BRCA1: variants seen among roughly 807,000 people sequenced by gnomAD.
BRCA1 encodes BRCA1 DNA repair associated.
A neutral mutation model predicts 173.7 loss-of-function variants in BRCA1; 140 were observed. The observed-to-expected ratio is 0.81, with a 90% CI of 0.70 to 0.93. The LOEUF (loss-of-function observed/expected upper bound fraction) is 0.93. BRCA1 is among the 40% of genes least tolerant of loss of function. The pLI, the probability that BRCA1 is intolerant of heterozygous loss-of-function variation, is 0.00. For synonymous variants in BRCA1, 662 were observed against 756.0 expected, an observed-to-expected ratio of 0.88 and a Z score of 2.04; for missense variants, 1,983 against 2,172.5, an observed-to-expected ratio of 0.91 and a Z score of 1.73.
At chr17:43,125,923 C>A (rs551781613), upstream of BRCA1, among the ~76,000 whole-genome samples, 14 of 152,344 alleles carry the variant, frequency 9.2e-5, no homozygotes, top group African/African-American at 3.1e-4. Flanking sequence ...ACAATTCTCA[C>A]GGAAATCCAG....
chr17:43,151,367 G>A (rs918834906), intron 1 of BRCA1, among the ~76,000 whole-genome samples: 2 of 152,036 alleles, frequency 1.3e-5, no homozygotes, highest in Non-Finnish European at 2.9e-5. Flanking sequence ...ATCACTTGAG[G>A]TTAGGTGTTT....
chr17:43,052,948 C>T (rs2051312260), intron 19 of BRCA1, among the ~76,000 whole-genome samples: 1 of 150,830 alleles, frequency 6.6e-6, no homozygotes, highest in South Asian at 2.1e-4. Flanking sequence ...GCCATCTCGG[C>T]TCACTGCAAC....
chr17:43,053,969 T>TA (rs879828773), intron 19 of BRCA1, among the ~76,000 whole-genome samples: 218 of 136,490 alleles, frequency 1.6e-3, no homozygotes, highest in Middle Eastern at 3.6e-3. Context: ...AGCTTCGTCT[T>TA]AAAAAAAAAA....
intron 14 of BRCA1, among the ~76,000 whole-genome samples, chr17:43,073,065 C>T (rs896401249): frequency 1.1e-4 from 16 of 151,696 alleles, no homozygotes; most frequent in African/African-American, 3.9e-4. Context: ...GGTGAAGTGG[C>T]TCACACCTAT....
chr17:43,091,595 G>A lies in BRCA1; in HGVS notation c.3936C>T (p.Thr1312=), dbSNP rs753210219. Residue 1312 remains threonine, a synonymous_variant, in exon 10 of 23, where the codon ACC becomes ACT. Transcript: ENST00000357654. ...AAGAACCAATCAAGAAAGGATCCTG[G>A]GTGTTTGTATTTGCAGTCAAGTCTT... The part of the protein sequence containing the change: ...ELEDLTANTN[T]QDPFLIGSSK... 1 of 1,614,120 alleles carries A rather than the reference G, an allele frequency of 6.2e-7. No homozygotes were observed. The highest frequency in any genetic ancestry group is 1.1e-5 in the South Asian group (1 of 91,092).
At chr17:43,133,878 G>T (rs113559238) in intron 1 of BRCA1, among the ~76,000 whole-genome samples, 2,138 of 152,146 alleles carry the variant, frequency 0.014, 54 homozygotes, top group African/African-American at 0.048. Flanking sequence ...CAAGTGATCC[G>T]CCTGCCTCGG....
chr17:43,143,472 G>A (rs11652332), intron 1 of BRCA1, among the ~76,000 whole-genome samples: 45,986 of 151,984 alleles, frequency 0.3, 7,504 homozygotes, highest in South Asian at 0.49. Context: ...CTGCTCCTGG[G>A]ATGGGGGTGC....
intron 11 of BRCA1, among the ~76,000 whole-genome samples, chr17:43,083,809 C>T (rs2088045413): frequency 6.6e-6 from 1 of 152,160 alleles, no homozygotes; most frequent in Admixed American, 6.6e-5. Flanking sequence ...ATTTGATAAA[C>T]AAAGAATTTA....
At position 43,091,016 on chromosome 17, in the gene BRCA1, C is replaced by T. The variant is rs147448807; in HGVS notation, c.4113G>A (p.Gly1371=). 2.6e-4 allele frequency: 421 copies of T among 1,612,698 alleles called. 1 individual carries two copies. In the African/African-American group the frequency reaches 4.6e-3, roughly 18 times the overall value. The change falls in exon 11 of 23, where the codon GGG becomes GGA. Residue 1371 remains glycine (G), a synonymous_variant. Coordinates refer to ENST00000357654, the MANE Select transcript of BRCA1 (RefSeq NM_007294.4). The stretch of plus-strand genomic sequence containing the variant: ...CAGAGACGCTTGTTTCACTCTCACA[C>T]CCAGATGCTGCTTCACCTTAAATAA... ...MDSNLGEAAS[G]CESETSVSED... is the part of the protein sequence containing the mutation.
At chr17:43,050,945 T>C (rs2051185029) in intron 20 of BRCA1, 118 bp downstream of exon 20, 1 of 1,008,490 alleles carries the variant, frequency 9.9e-7, no homozygotes, top group African/African-American at 1.6e-5. Flanking sequence ...AGAAATAGAA[T>C]AGCCTCTAGA....
chr17:43,044,697 T>C lies in BRCA1; in HGVS notation c.*981A>G. 2.0e-6 allele frequency: 1 copy of C among 507,716 alleles called. No homozygotes were observed. The highest frequency in any genetic ancestry group is 3.9e-6 in the Non-Finnish European group (1 of 259,672). 31.5% of individuals were successfully genotyped at this position (507,716 alleles called of 1,614,324 possible). A position where few individuals can be genotyped will look rare whatever the true frequency, so the allele number is the denominator to read the frequency against. The stretch of plus-strand genomic sequence containing the variant: ...TTACTAATGAGGAATTAGAAGACTG[T>C]CTTTGGAAACCGGTTCTTGAAAATC... On this transcript the variant is annotated 3_prime_UTR_variant, in exon 23 of 23. Transcript: ENST00000357654.
chr17:43,168,510 C>A (rs1305075835), intron 1 of BRCA1, among the ~76,000 whole-genome samples: 2 of 152,178 alleles, frequency 1.3e-5, no homozygotes, highest in African/African-American at 4.8e-5. Context: ...CATGGTGGTG[C>A]ATGCGTGTAA....
At chr17:43,051,660 G>A (rs1209877475) in intron 19 of BRCA1, among the ~76,000 whole-genome samples, 2 of 148,512 alleles carry the variant, frequency 1.3e-5, no homozygotes, top group South Asian at 2.1e-4. Flanking sequence ...TTTTTGAGAC[G>A]GAGTCTCTCT....
In BRCA1 at chr17:43,082,543, C is replaced by A. The variant is rs1800707; in HGVS notation, c.4218G>T (p.Lys1406Asn). The A allele has an allele frequency of 6.8e-6, 11 of 1,614,176 alleles. No homozygotes were observed. Among genetic ancestry groups the A allele is most frequent in the Non-Finnish European group, 9.3e-6 (11 of 1,180,040 alleles). The change falls in exon 12 of 23, where the codon AAG becomes AAT. Residue 1406 changes from lysine (K) to asparagine (N), a missense_variant. Coordinates refer to ENST00000357654, the MANE Select transcript of BRCA1 (RefSeq NM_007294.4). ...QRDTMQHNLI[K>N]LQQEMAELEA... is the part of the protein sequence containing the mutation. ...CTAGTTCAGCCATTTCCTGCTGGAG[C>A]TTTATCAGGTTATGTTGCATGGTAT...
At position 43,144,205 on chromosome 17, in the gene BRCA1, A is replaced by C. The variant is rs867259055; in HGVS notation, c.-19-20090T>G. The C allele has an allele frequency of 1.9e-5, 6 of 319,124 alleles. No individual in the cohort carries two copies. The Middle Eastern group carries it at 1.6e-3, about 84-fold the overall frequency. 19.8% of individuals were successfully genotyped at this position (319,124 alleles called of 1,614,324 possible). ...ACCACTGCACTCCAGCCTGGGTGAC[A>C]GAGCGAGACTCCATCTCAATAAAAA... On this transcript the variant is annotated intron_variant, in intron 1 of 7. Coordinates refer to the BRCA1 transcript ENST00000634433.
intron 2 of BRCA1, among the ~76,000 whole-genome samples, chr17:43,119,613 A>G (rs1405316234): frequency 6.6e-6 from 1 of 151,914 alleles, no homozygotes; most frequent in African/African-American, 2.4e-5. Context: ...AACCTGAGAT[A>G]ACTTGTACCA....
At chr17:43,124,918 G>C in intron 1 of BRCA1, 1 of 311,922 alleles carries the variant, frequency 3.2e-6, no homozygotes, top group South Asian at 2.6e-5. Context: ...GCTAATTTTT[G>C]TATTTTTAGT....
At chr17:43,120,600 C>T (rs1205946017) in intron 2 of BRCA1, among the ~76,000 whole-genome samples, 2 of 152,008 alleles carry the variant, frequency 1.3e-5, no homozygotes, top group Non-Finnish European at 2.9e-5. Flanking sequence ...CCCGTCTCTA[C>T]TAAAAATACA....
chr17:43,053,950 G>A (rs1302879579), intron 19 of BRCA1, among the ~76,000 whole-genome samples: 2 of 149,340 alleles, frequency 1.3e-5, no homozygotes, highest in East Asian at 3.9e-4. Context: ...GCCTGGGCAA[G>A]AAGAGCAAAG....
Sources: allele counts gnomAD v4.1 joint callset (sites outside exome capture counted in the v4.1 genomes callset), GRCh38; gene constraint gnomAD v4.1.1; transcripts MANE v1.5; gene names NCBI Gene and HGNC (gene_info 2026-07-23, HGNC 2026-07-21).